TMCC1: variants seen among roughly 807,000 people sequenced by gnomAD.
TMCC1 encodes transmembrane and coiled-coil domains protein 1.
TMCC1 carries 15 observed loss-of-function variants against 52.4 expected under a neutral mutation model. The ratio of observed to expected loss-of-function variants is 0.29; its 90% CI spans 0.19 to 0.44. The LOEUF (loss-of-function observed/expected upper bound fraction) is 0.44, where lower values mean the gene tolerates loss of function less well. Among genes scored for constraint, TMCC1 ranks in the 20% least tolerant of loss-of-function variants. The pLI is 1.00. For missense variants in TMCC1, 503 were observed against 806.0 expected (o/e 0.62, Z 4.55); for synonymous variants, 279 against 301.9 (o/e 0.92, Z 0.79).
chr3:129,743,308 G>A (rs2051626058), intron 4 of TMCC1, among the ~76,000 whole-genome samples: 2 of 152,134 alleles, frequency 1.3e-5, no homozygotes, highest in East Asian at 3.9e-4. Context: ...GTTGAACCAA[G>A]TCTCTGAGGA....
At chr3:129,778,674 T>TC (rs66614369) in intron 4 of TMCC1, among the ~76,000 whole-genome samples, 1 of 138,740 alleles carries the variant, frequency 7.2e-6, no homozygotes, top group Non-Finnish European at 1.6e-5. Context: ...TAGATCATGG[T>TC]GGGGGGGGGG....
chr3:129,720,422 T>C (rs1448990087), intron 4 of TMCC1, among the ~76,000 whole-genome samples: 1 of 152,164 alleles, frequency 6.6e-6, no homozygotes, highest in African/African-American at 2.4e-5. Flanking sequence ...CTCATCCTTA[T>C]AATAGCTATT....
At chr3:129,878,170 G>A (rs980492875) in intron 2 of TMCC1, among the ~76,000 whole-genome samples, 2 of 150,632 alleles carry the variant, frequency 1.3e-5, no homozygotes, top group East Asian at 2.0e-4. Context: ...CACGACATTC[G>A]CCAGGCTGGT....
chr3:129,724,256 G>T (rs535799628), intron 4 of TMCC1, among the ~76,000 whole-genome samples: 1 of 152,278 alleles, frequency 6.6e-6, no homozygotes, highest in South Asian at 2.1e-4. Flanking sequence ...CTTCAGCCCA[G>T]TTAAGCAATA....
chr3:129,780,031 C>T (rs2055390358), intron 4 of TMCC1, among the ~76,000 whole-genome samples: 1 of 152,044 alleles, frequency 6.6e-6, no homozygotes, highest in African/African-American at 2.4e-5. Context: ...CATTCTGATC[C>T]CCTTTTTTCA....
intron 4 of TMCC1, among the ~76,000 whole-genome samples, chr3:129,797,389 TCAAA>T (rs1207547451): frequency 3.3e-5 from 5 of 151,580 alleles, no homozygotes; most frequent in South Asian, 4.2e-4. Context: ...TGCATCAAAT[TCAAA>T]CAAATAATAG....
intron 4 of TMCC1, among the ~76,000 whole-genome samples, chr3:129,774,224 A>T (rs2054841994): frequency 6.6e-6 from 1 of 152,174 alleles, no homozygotes; most frequent in South Asian, 2.1e-4. Context: ...CATGTGGAAA[A>T]GACTTATGGG....
intron 2 of TMCC1, among the ~76,000 whole-genome samples, chr3:129,859,294 G>A (rs956836656): frequency 7.2e-5 from 11 of 152,100 alleles, no homozygotes; most frequent in South Asian, 2.1e-4. Context: ...AAGTCACTAT[G>A]AAGCAAATAT....
chr3:129,859,460 G>C (rs2060284573), intron 2 of TMCC1, among the ~76,000 whole-genome samples: 1 of 151,876 alleles, frequency 6.6e-6, no homozygotes, highest in African/African-American at 2.4e-5. Flanking sequence ...AACATAGCAA[G>C]ACCCCATCTC....
intron 4 of TMCC1, among the ~76,000 whole-genome samples, chr3:129,702,858 A>G (rs2047939861): frequency 6.6e-6 from 1 of 152,144 alleles, no homozygotes; most frequent in African/African-American, 2.4e-5. Flanking sequence ...TCCACTAAAA[A>G]TACAAAAATT....
chr3:129,836,893 C>G (rs1180535354), intron 2 of TMCC1, among the ~76,000 whole-genome samples: 2 of 152,188 alleles, frequency 1.3e-5, no homozygotes, highest in African/African-American at 4.8e-5. Context: ...GCTCCTCCAT[C>G]TCCACCCCCG....
At chr3:129,781,233 C>A (rs935236269) in intron 4 of TMCC1, among the ~76,000 whole-genome samples, 1 of 152,128 alleles carries the variant, frequency 6.6e-6, no homozygotes, top group African/African-American at 2.4e-5. Flanking sequence ...ATTTTCTTTG[C>A]CGACAAATAC....
rs147029951 is a variant in TMCC1 at position 129,878,667 on chromosome 3, C to T, written c.-184+1642G>A. 2.4e-3 allele frequency among the ~76,000 whole-genome samples: 367 copies of T among 152,302 alleles called. 3 individuals carry two copies. Among genetic ancestry groups the T allele is most frequent in the African/African-American group, 8.1e-3 (338 of 41,570 alleles). On this transcript the variant is annotated intron_variant, in intron 2 of 6. Transcript: ENST00000393238. ...TGTCAAAATATAAATCAGATCATGT[C>T]ACCCTGCCCAAACGCTCCAAAGACT...
intron 4 of TMCC1, among the ~76,000 whole-genome samples, chr3:129,809,791 G>A (rs546680636): frequency 3.3e-5 from 5 of 152,218 alleles, no homozygotes; most frequent in East Asian, 1.9e-4. Context: ...CAATTTTCCC[G>A]GTTTCAGTAG....
chr3:129,806,796 A>G (rs115264774), intron 4 of TMCC1, among the ~76,000 whole-genome samples: 184 of 152,250 alleles, frequency 1.2e-3, no homozygotes, highest in African/African-American at 3.9e-3. Context: ...AGAAGCACTC[A>G]GGAAATTAAA....
At chr3:129,789,385 C>A (rs1310314065) in intron 4 of TMCC1, among the ~76,000 whole-genome samples, 1 of 152,148 alleles carries the variant, frequency 6.6e-6, no homozygotes, top group Non-Finnish European at 1.5e-5. Flanking sequence ...GTATCATAGG[C>A]CATAAACCCA....
intron 2 of TMCC1, among the ~76,000 whole-genome samples, chr3:129,835,045 C>T (rs2059093367): frequency 6.6e-6 from 1 of 152,136 alleles, no homozygotes; most frequent in Admixed American, 6.5e-5. Context: ...TTAAATATTT[C>T]TCTACTCTCT....
At chr3:129,680,778 G>A (rs1449886702) in intron 4 of TMCC1, among the ~76,000 whole-genome samples, 1 of 152,070 alleles carries the variant, frequency 6.6e-6, no homozygotes, top group African/African-American at 2.4e-5. Context: ...GTGCACGCCT[G>A]TAATCCGAGC....
intron 5 of TMCC1, among the ~76,000 whole-genome samples, chr3:129,659,662 G>C (rs960752529): frequency 8.5e-5 from 13 of 152,298 alleles, no homozygotes; most frequent in Admixed American, 6.5e-4. Flanking sequence ...TTTATCATAA[G>C]AAGGTTGCAA....
Sources: allele counts gnomAD v4.1 joint callset (sites outside exome capture counted in the v4.1 genomes callset), GRCh38; gene constraint gnomAD v4.1.1; transcripts MANE v1.5; gene names NCBI Gene and HGNC (gene_info 2026-07-23, HGNC 2026-07-21).